Variants in FER1L5 observed in about 807,000 individuals in gnomAD.
The protein encoded by FER1L5 is fer-1 like family member 5.
FER1L5 carries 187 observed loss-of-function variants against 279.9 expected under a neutral mutation model. That is an observed-to-expected ratio of 0.67 (90% CI 0.59 to 0.75). The LOEUF (loss-of-function observed/expected upper bound fraction) is 0.75. FER1L5 is among the 30% of genes least tolerant of loss of function. The pLI is 0.00. For missense variants in FER1L5, 2,091 were observed against 2,594.4 expected, an observed-to-expected ratio of 0.81 and a Z score of 4.21; for synonymous variants, 921 against 989.7, an observed-to-expected ratio of 0.93 and a Z score of 1.30.
At chr2:96,650,903 C>G (rs2075333074) in intron 6 of FER1L5, among the ~76,000 whole-genome samples, 1 of 152,232 alleles carries the variant, frequency 6.6e-6, no homozygotes. Flanking sequence ...TCCCATTTCC[C>G]CCTCGCCACT....
At chr2:96,685,244 ATCT>A in intron 20 of FER1L5, 82 bp from the exon 21 acceptor site, 1 of 1,214,662 alleles carries the variant, frequency 8.2e-7, no homozygotes, top group Middle Eastern at 2.1e-4. Context: ...GGCTGAAAAC[ATCT>A]TGGGCCAATC....
Position 96,649,691 on chromosome 2 carries a change from T to C in FER1L5, c.394+14T>C. On this transcript the variant is annotated intron_variant, in intron 5 of 52. Transcript: ENST00000624922. The stretch of plus-strand genomic sequence containing the variant: ...TTGAGAAGACAGGTATGTCCTTCCC[T>C]GGAGCTTACCCTTAAGGGCCTACCC... 1 of 1,551,442 alleles carries C rather than the reference T, an allele frequency of 6.4e-7. No homozygotes were observed. Among genetic ancestry groups the C allele is most frequent in the Non-Finnish European group, 8.7e-7 (1 of 1,146,856 alleles).
intron 37 of FER1L5, among the ~76,000 whole-genome samples, chr2:96,696,968 T>A (rs532553327): frequency 6.6e-6 from 1 of 152,138 alleles, no homozygotes; most frequent in Non-Finnish European, 1.5e-5. Flanking sequence ...GTTCTTGAAC[T>A]CCTTAGCTCA....
intron 18 of FER1L5, among the ~76,000 whole-genome samples, chr2:96,671,241 A>T (rs946859469): frequency 6.6e-6 from 1 of 151,922 alleles, no homozygotes; most frequent in Non-Finnish European, 1.5e-5. Context: ...GTGGAGGGCT[A>T]CTTACTGAGG....
At position 96,692,087 on chromosome 2, in the gene FER1L5, G is replaced by A; in HGVS notation, c.3215-17G>A. On this transcript the variant is annotated splice_polypyrimidine_tract_variant and intron_variant, in intron 30 of 52. Transcript: ENST00000624922. ...GGGTCCTGGGGCAGGTGACAGGCATGGCTTCTCTTTCCCCAGAGCCCCACT... is the reference window on the plus strand; with the variant it reads ...GGGTCCTGGGGCAGGTGACAGGCATAGCTTCTCTTTCCCCAGAGCCCCACT... 3.9e-6 allele frequency: 6 copies of A among 1,551,424 alleles called. No homozygotes were observed. The highest frequency in any genetic ancestry group is 5.2e-6 in the Non-Finnish European group (6 of 1,146,922).
At chr2:96,668,334 G>A (rs1290998903) in intron 14 of FER1L5, among the ~76,000 whole-genome samples, 1 of 151,870 alleles carries the variant, frequency 6.6e-6, no homozygotes, top group Non-Finnish European at 1.5e-5. Flanking sequence ...GACCAGCTTG[G>A]GCAACATAGT....
chr2:96,660,510 A>T, intron 10 of FER1L5, 139 bp downstream of exon 10: 3 of 751,644 alleles, frequency 4.0e-6, no homozygotes, highest in Non-Finnish European at 4.4e-6. Context: ...TGTATTTGGT[A>T]ATATTTCACT....
chr2:96,652,086 G>T, intron 7 of FER1L5, 66 bp downstream of exon 7: 1 of 1,547,048 alleles, frequency 6.5e-7, no homozygotes, highest in South Asian at 1.2e-5. Flanking sequence ...GTGGGCAGCC[G>T]GCAAGCTTGC....
chr2:96,695,528 G>A lies in FER1L5; in HGVS notation c.3761G>A (p.Arg1254Gln), dbSNP rs752261086. The A allele has an allele frequency of 3.8e-6, 6 of 1,592,418 alleles. No homozygotes were observed. Among genetic ancestry groups the A allele is most frequent in the South Asian group, 1.1e-5 (1 of 87,360 alleles). ...MAIEILAWGLRNMKKASSPQL... is the reference protein window; with the variant it reads ...MAIEILAWGLQNMKKASSPQL... ...TGGTAGATCCTGGCCTGGGGCCTTC[G>A]GAACATGAAGAAGGCGAGCTCCCCC... The change falls in exon 35 of 53, where the codon CGG becomes CAG. Residue 1254 changes from arginine (R) to glutamine (Q), a missense_variant. Arg to Gln is a conservative substitution (Grantham distance 43, BLOSUM62 1). Transcript: ENST00000624922.
Position 96,691,554 on chromosome 2 carries a change from G to A in FER1L5, c.3017G>A (p.Arg1006Lys). Residue 1006 changes from arginine (R) to lysine (K), a missense_variant, in exon 29 of 53, where the codon AGG (arginine) becomes AAG (lysine). By Grantham distance (26) the Arg-to-Lys change is conservative. Transcript: ENST00000624922. The surrounding 1 kb of genome is among the most constrained non-coding windows in gnomAD (Gnocchi z 6.0). The stretch of plus-strand genomic sequence containing the variant: ...TTCCGCCGCCGCTGCTGGCGCCGCA[G>A]GCTGGCCCCCAACAAGGACAAGGGC... ...SRFRRRCWRRRLAPNKDKGIA... is the reference protein window; with the variant it reads ...SRFRRRCWRRKLAPNKDKGIA... 18 of 1,549,466 alleles carry A rather than the reference G, an allele frequency of 1.2e-5. No individual in the cohort carries two copies. Among genetic ancestry groups the A allele is most frequent in the Non-Finnish European group, 1.6e-5 (18 of 1,146,236 alleles).
chr2:96,660,106 C>T (rs1369279516), intron 9 of FER1L5, among the ~76,000 whole-genome samples: 1 of 152,188 alleles, frequency 6.6e-6, no homozygotes, highest in South Asian at 2.1e-4. Flanking sequence ...CTTTTCCATG[C>T]AGGCTTTCTC....
rs1004659216 is a variant in FER1L5, at chr2:96,689,800, G to A, written c.2640+42G>A. 2.0e-6 allele frequency: 3 copies of A among 1,476,520 alleles called. No individual in the cohort carries two copies. In the African/African-American group the frequency reaches 4.2e-5, roughly 21 times the overall value. The allele number at this position is 1,476,520 out of a possible 1,614,324, so 91.5% of individuals were successfully genotyped here. A position where few individuals can be genotyped will look rare whatever the true frequency, so the allele number is the denominator to read the frequency against. On this transcript the variant is annotated intron_variant, in intron 26 of 52. Transcript: ENST00000624922. The surrounding 1 kb of genome is among the most constrained non-coding windows in gnomAD (Gnocchi z 4.6). ...CTGCCTCGGGTTAGGGGGCAAGCAA[G>A]GCCACCAGGCGGGGCGCCTTGGAAG...
At chr2:96,659,358 C>CTTCCTTCTTTCTTTCTTTCT (rs2075780167) in intron 9 of FER1L5, among the ~76,000 whole-genome samples, 2 of 60,604 alleles carry the variant, frequency 3.3e-5, no homozygotes, top group South Asian at 1.7e-3. Context: ...TCCTTCCTTC[C>CTTCCTTCTTTCTTTCTTTCT]TTCCTTCTTT....
intron 13 of FER1L5, 98 bp downstream of exon 13, chr2:96,662,365 C>A (rs2075985685): frequency 1.8e-6 from 2 of 1,100,702 alleles, no homozygotes; most frequent in South Asian, 2.7e-5. Context: ...CAGGAATCAT[C>A]TCCCAGTCAC....
chr2:96,694,618 G>A lies in FER1L5; in HGVS notation c.3741+154G>A, dbSNP rs139005498. ...AGGTGGAGGGAGACAGGAGAGAAAC[G>A]AAGAGGTTCTGGTGTAACACTGGAA... On this transcript the variant is annotated intron_variant, in intron 34 of 52. Transcript: ENST00000624922. This position sits in a 1 kb window ranked among gnomAD's most constrained non-coding sequence, Gnocchi z 4.6. 5.1e-4 allele frequency: 288 copies of A among 562,016 alleles called. No individual in the cohort carries two copies. The highest frequency in any genetic ancestry group is 4.9e-3 in the African/African-American group (257 of 52,722). The allele number at this position is 562,016 out of a possible 1,614,324, so 34.8% of individuals were successfully genotyped here.
In FER1L5 at chr2:96,698,935, T is replaced by C. The variant is rs2077486198; in HGVS notation, c.4518+103T>C. 6.5e-7 allele frequency: 1 copy of C among 1,527,280 alleles called. No homozygotes were observed. The highest frequency in any genetic ancestry group is 8.9e-7 in the Non-Finnish European group (1 of 1,126,556). 94.6% of individuals were successfully genotyped at this position (1,527,280 alleles called of 1,614,324 possible). On this transcript the variant is annotated intron_variant, in intron 41 of 52. Coordinates refer to ENST00000624922, the MANE Select transcript of FER1L5 (RefSeq NM_001293083.2). This position sits in a 1 kb window ranked among gnomAD's most constrained non-coding sequence, Gnocchi z 5.5. Reference sequence around the variant, plus strand: ...TGACACACAGAATGCCAACTCCCCATAGGCTCCGTGTGGTGCGAGGGGCTT... The same window carrying C: ...TGACACACAGAATGCCAACTCCCCACAGGCTCCGTGTGGTGCGAGGGGCTT...
chr2:96,656,157 C>A (rs932354931), intron 9 of FER1L5, among the ~76,000 whole-genome samples: 1 of 152,176 alleles, frequency 6.6e-6, no homozygotes, highest in African/African-American at 2.4e-5. Context: ...AATCAAATCT[C>A]AAGCATCACA....
rs2075401045 is a variant in FER1L5, at chr2:96,652,003, A to C, written c.616A>C (p.Asn206His). The C allele has an allele frequency of 6.4e-7, 1 of 1,551,760 alleles. No homozygotes were observed. Among genetic ancestry groups the C allele is most frequent in the Admixed American group, 2.0e-5 (1 of 50,994 alleles). The change falls in exon 7 of 53, where the codon AAC becomes CAC. Residue 206 changes from asparagine (N) to histidine (H), a missense_variant. By Grantham distance (68) the Asn-to-His change is moderately conservative. Coordinates refer to ENST00000624922, the MANE Select transcript of FER1L5 (RefSeq NM_001293083.2). The part of the protein sequence containing the change: ...QHQTRIKMGN[N>H]PFFNEIFFQN... ...CCAGACACGCATCAAGATGGGAAAC[A>C]ACCCTTTCTTTAATGAGGTGGGCTG...
chr2:96,691,144 C>A lies in FER1L5; in HGVS notation c.2744-46C>A. 6.6e-7 allele frequency: 1 copy of A among 1,509,328 alleles called. No homozygotes were observed. The highest frequency in any genetic ancestry group is 8.9e-7 in the Non-Finnish European group (1 of 1,124,372). 93.5% of individuals were successfully genotyped at this position (1,509,328 alleles called of 1,614,324 possible). Reference sequence around the variant, plus strand: ...TCCCGGGTTTGTCCAGGCCTCCCAACCTGCGGGCACCTGAGGACTCAGAGG... The same window carrying A: ...TCCCGGGTTTGTCCAGGCCTCCCAAACTGCGGGCACCTGAGGACTCAGAGG... On this transcript the variant is annotated intron_variant, in intron 27 of 52. Coordinates refer to ENST00000624922, the MANE Select transcript of FER1L5 (RefSeq NM_001293083.2). The surrounding 1 kb of genome is among the most constrained non-coding windows in gnomAD (Gnocchi z 6.0).
Sources: gnomAD v4.1 joint callset for allele counts (sites outside exome capture counted in the v4.1 genomes callset) on GRCh38, gnomAD v4.1.1 for gene constraint, Gnocchi (gnomAD v3.1) non-coding constraint, MANE v1.5 for transcripts, NCBI Gene and HGNC (gene_info 2026-07-23, HGNC 2026-07-21) for gene names.